The following PRDM2 variants were observed in gnomAD, a reference collection of about 807,000 sequenced individuals.
PRDM2 encodes PR domain zinc finger protein 2.
In PRDM2, 30 loss-of-function variants were observed where a neutral mutation model predicts 130.0. The ratio of observed to expected loss-of-function variants is 0.23; its 90% CI spans 0.17 to 0.31. The LOEUF (loss-of-function observed/expected upper bound fraction) is 0.31. Ranked by LOEUF, PRDM2 falls within the 10% of genes least tolerant of loss-of-function variation. PRDM2 has a pLI of 1.00. For missense variants in PRDM2, 2,011 were observed against 2,108.4 expected (o/e 0.95, Z 0.90); for synonymous variants, 871 against 782.4 (o/e 1.11, Z -1.89).
At chr1:13,785,648 A>C (rs914650290) in intron 8 of PRDM2, among the ~76,000 whole-genome samples, 1 of 150,454 alleles carries the variant, frequency 6.6e-6, no homozygotes, top group African/African-American at 2.4e-5. Context: ...CTCCTGCTGC[A>C]GCTCTTACTA....
chr1:13,799,365 A>T (rs1208516931), intron 8 of PRDM2, among the ~76,000 whole-genome samples: 1 of 151,946 alleles, frequency 6.6e-6, no homozygotes, highest in Non-Finnish European at 1.5e-5. Flanking sequence ...GAATCGCTTG[A>T]ACCCGGGAGG....
chr1:13,749,475 A>C lies in PRDM2; in HGVS notation c.499A>C (p.Lys167Gln). Reference protein sequence around the residue: ...ASARSKRSSPKSRKGKKKSQE... With the variant: ...ASARSKRSSPQSRKGKKKSQE... ...CGCCCGGAGCAAGCGGAGCTCCCCC[A>C]AGAGCCGGAAAGGTAGGAGCCCCCC... is the stretch of plus-strand genomic sequence containing the variant. The change falls in exon 6 of 10, where the codon AAG (lysine) becomes CAG (glutamine). Residue 167 changes from lysine to glutamine, a missense_variant. Around this residue, in one of 5 missense-constraint regions of PRDM2, gnomAD observed 1,288 missense variants for 1,237.7 expected, o/e 1.04. Coordinates refer to ENST00000311066, the MANE Select transcript of PRDM2 (RefSeq NM_001393986.1). The C allele has an allele frequency of 1.4e-6, 2 of 1,458,412 alleles. No homozygotes were observed. Among genetic ancestry groups the C allele is most frequent in the Non-Finnish European group, 9.2e-7 (1 of 1,088,088 alleles). The allele number at this position is 1,458,412 out of a possible 1,614,324, so 90.3% of individuals were successfully genotyped here. A position where few individuals can be genotyped will look rare whatever the true frequency, so the allele number is the denominator to read the frequency against.
chr1:13,709,541 T>C (rs1015223561), intron 1 of PRDM2, among the ~76,000 whole-genome samples: 1 of 152,218 alleles, frequency 6.6e-6, no homozygotes, highest in African/African-American at 2.4e-5. Flanking sequence ...ACACTACAAA[T>C]CTAGTCTGCT....
intron 2 of PRDM2, among the ~76,000 whole-genome samples, chr1:13,725,568 A>G (rs1198711218): frequency 2.0e-5 from 3 of 152,222 alleles, no homozygotes; most frequent in South Asian, 4.1e-4. Context: ...CTTTAGTACA[A>G]TATGAAAGCT....
In PRDM2 at chr1:13,754,056, C is replaced by A. The variant is rs149676495; in HGVS notation, c.511+4569C>A. On this transcript the variant is annotated intron_variant, in intron 6 of 9. Coordinates refer to ENST00000311066, the MANE Select transcript of PRDM2 (RefSeq NM_001393986.1). ...GGTGGGTGGAGGAGGTATGGCCTGA[C>A]TGTAGGTGGGAGATCAGGGGTGACC... Among the ~76,000 whole-genome samples the A allele has an allele frequency of 2.4e-4, 37 of 152,140 alleles. 1 individual carries two copies. The East Asian group carries it at 6.2e-3, about 25-fold the overall frequency.
At chr1:13,761,957 C>T (rs146220864) in intron 6 of PRDM2, among the ~76,000 whole-genome samples, 1 of 152,070 alleles carries the variant, frequency 6.6e-6, no homozygotes, top group Non-Finnish European at 1.5e-5. Context: ...AACAAATGAA[C>T]AAAACAAATG....
chr1:13,798,779 C>T (rs996797573), intron 8 of PRDM2, among the ~76,000 whole-genome samples: 1 of 152,112 alleles, frequency 6.6e-6, no homozygotes. Context: ...ATGGGGGGAT[C>T]GATCCTTCCC....
intron 8 of PRDM2, among the ~76,000 whole-genome samples, chr1:13,807,520 G>C (rs889134934): frequency 5.3e-5 from 8 of 152,186 alleles, no homozygotes; most frequent in Admixed American, 6.5e-5. Flanking sequence ...AGGGGGATTT[G>C]TGATTTCAAA....
At chr1:13,760,333 T>TA (rs140361467) in intron 6 of PRDM2, among the ~76,000 whole-genome samples, 22 of 148,644 alleles carry the variant, frequency 1.5e-4, no homozygotes, top group Middle Eastern at 3.5e-3. Flanking sequence ...CTAAGCACAT[T>TA]AAAAAAAAAA....
intron 1 of PRDM2, among the ~76,000 whole-genome samples, chr1:13,703,718 G>GT (rs1190741912): frequency 6.6e-6 from 1 of 152,232 alleles, no homozygotes; most frequent in African/African-American, 2.4e-5. Context: ...TTGATGCGTG[G>GT]TAAATAATTT....
intron 8 of PRDM2, among the ~76,000 whole-genome samples, chr1:13,802,450 C>A (rs890761160): frequency 1.3e-5 from 2 of 152,168 alleles, no homozygotes; most frequent in African/African-American, 4.8e-5. Context: ...GGTTCCGGGT[C>A]GTCCAGTGTG....
intron 8 of PRDM2, among the ~76,000 whole-genome samples, chr1:13,808,854 G>T (rs1217683780): frequency 2.0e-5 from 3 of 152,222 alleles, no homozygotes; most frequent in Non-Finnish European, 4.4e-5. Context: ...CTGCCCGTGT[G>T]GGGGCCGGTG....
rs889280574 is a variant in PRDM2 at position 13,806,961 on chromosome 1, G to A, written c.5037-9466G>A. 1.3e-5 allele frequency among the ~76,000 whole-genome samples: 2 copies of A among 152,040 alleles called. No homozygotes were observed. Among genetic ancestry groups the A allele is most frequent in the African/African-American group, 2.4e-5 (1 of 41,376 alleles). ...CCGATTGATCCCCCCACCCCAGGTC[G>A]TAGCCCACACACTGCCGTTTCCCAT... is the stretch of plus-strand genomic sequence containing the variant. On this transcript the variant is annotated intron_variant, in intron 8 of 9. Transcript: ENST00000311066. The surrounding 1 kb of genome is among the most constrained non-coding windows in gnomAD (Gnocchi z 4.1).
chr1:13,761,756 T>C (rs1644103595), intron 6 of PRDM2, among the ~76,000 whole-genome samples: 1 of 152,040 alleles, frequency 6.6e-6, no homozygotes. Flanking sequence ...CAGAGACAGT[T>C]AGGAGCAATA....
In PRDM2 at chr1:13,779,391, G is replaced by A. The variant is rs201284354; in HGVS notation, c.1596G>A (p.Gln532=). The change falls in exon 8 of 10, where the codon CAG becomes CAA. Residue 532 remains glutamine, a synonymous_variant. Coordinates refer to ENST00000311066, the MANE Select transcript of PRDM2 (RefSeq NM_001393986.1). This position sits in a 1 kb window ranked among gnomAD's most constrained non-coding sequence, Gnocchi z 4.9. The part of the protein sequence containing the change: ...EEPQPPAEQA[Q]ATQNVYVPST... ...CCCAGCCTCCAGCAGAACAGGCCCA[G>A]GCCACCCAGAACGTGTATGTACCAA... 1.8e-4 allele frequency: 289 copies of A among 1,614,172 alleles called. 1 individual carries two copies. In the Middle Eastern group the frequency reaches 2.8e-3, roughly 16 times the overall value.
At chr1:13,770,521 G>T (rs1644336364) in intron 6 of PRDM2, among the ~76,000 whole-genome samples, 1 of 151,470 alleles carries the variant, frequency 6.6e-6, no homozygotes, top group Non-Finnish European at 1.5e-5. Context: ...AAAAATCTTT[G>T]CATTTTTTTT....
chr1:13,741,694 A>G (rs1260558605), intron 4 of PRDM2, among the ~76,000 whole-genome samples: 1 of 142,652 alleles, frequency 7.0e-6, no homozygotes, highest in East Asian at 2.1e-4. Context: ...GGAGATCCCA[A>G]GCATGCTGAC....
At chr1:13,715,711 T>A in intron 2 of PRDM2, 97 bp downstream of exon 2, 1 of 1,134,312 alleles carries the variant, frequency 8.8e-7, no homozygotes, top group Non-Finnish European at 1.2e-6. Flanking sequence ...TCATTTCTCC[T>A]GGATTCTCAT....
intron 4 of PRDM2, among the ~76,000 whole-genome samples, chr1:13,736,114 CT>C (rs766095858): frequency 2.8e-3 from 365 of 132,006 alleles, no homozygotes; most frequent in Middle Eastern, 7.8e-3. Flanking sequence ...TGTTTCTTTT[CT>C]TTTTTTTTTT....
Sources: gnomAD v4.1 joint callset for allele counts (sites outside exome capture counted in the v4.1 genomes callset) on GRCh38, gnomAD v4.1.1 for gene constraint, gnomAD v4.1.1 regional missense constraint, Gnocchi (gnomAD v3.1) non-coding constraint, MANE v1.5 for transcripts, NCBI Gene and HGNC (gene_info 2026-07-23, HGNC 2026-07-21) for gene names.